Variants in KIRREL3 observed in about 807,000 individuals in gnomAD.
KIRREL3 encodes kirre like nephrin family adhesion molecule 3, also known as kin of IRRE-like protein 3.
A neutral mutation model predicts 89.7 loss-of-function variants in KIRREL3; 36 were observed. The observed-to-expected ratio is 0.40, with a 90% CI of 0.31 to 0.53. KIRREL3 has a LOEUF of 0.53. KIRREL3 is among the 20% of genes least tolerant of loss of function. The probability of loss-of-function intolerance (pLI) is 0.49; values close to 1 mark genes in which losing one functional copy is unlikely to be tolerated. For missense variants in KIRREL3, 864 were observed against 1,056.6 expected, an observed-to-expected ratio of 0.82 and a Z score of 2.53; for synonymous variants, 445 against 441.4, an observed-to-expected ratio of 1.01 and a Z score of -0.10.
Position 126,668,693 on chromosome 11 carries a change from TTTTCTTTCTTTCTTTC to T in KIRREL3, c.56-105797_56-105782del, listed in dbSNP as rs57753203. On this transcript the variant is annotated intron_variant, in intron 1 of 16. Transcript: ENST00000525144. The surrounding 1 kb of genome is among the most constrained non-coding windows in gnomAD (Gnocchi z 4.4). ...TAAAGAGCTGTTGGGAAGTTTCTGT[TTTTCTTTCTTTCTTTC>T]TTTCTTTCTTTCTTTCTTTCTTTCT... Among the ~76,000 whole-genome samples the T allele has an allele frequency of 0.031, 3,896 of 126,690 alleles. 90 individuals carry two copies. Among genetic ancestry groups the T allele is most frequent in the South Asian group, 0.038 (142 of 3,764 alleles). The allele number at this position is 126,690 out of a possible 152,430, so 83.1% of individuals were successfully genotyped here.
intron 1 of KIRREL3, among the ~76,000 whole-genome samples, chr11:126,910,058 T>G (rs186165366): frequency 2.0e-5 from 3 of 152,302 alleles, no homozygotes; most frequent in Admixed American, 1.3e-4. Context: ...CTATCTGAAC[T>G]CAAAGCAACA....
chr11:126,494,678 C>A (rs1342234136), intron 4 of KIRREL3, among the ~76,000 whole-genome samples: 1 of 152,240 alleles, frequency 6.6e-6, no homozygotes, highest in African/African-American at 2.4e-5. Context: ...AGGGAAGCTG[C>A]CTCTCTATCC....
chr11:126,995,507 G>A lies in KIRREL3; in HGVS notation c.55+4948C>T. On this transcript the variant is annotated intron_variant, in intron 1 of 16. Transcript: ENST00000525144. The surrounding 1 kb of genome is among the most constrained non-coding windows in gnomAD (Gnocchi z 6.5). ...ATTTACAAGGATAAGGATTGTAGCTGCAAAATAATGCCTATGCCCCTCTAG... is the reference window on the plus strand; with the variant it reads ...ATTTACAAGGATAAGGATTGTAGCTACAAAATAATGCCTATGCCCCTCTAG... The A allele has an allele frequency of 5.5e-6, 2 of 362,112 alleles. No individual in the cohort carries two copies. Among genetic ancestry groups the A allele is most frequent in the Non-Finnish European group, 1.1e-5 (2 of 184,518 alleles). 22.4% of individuals were successfully genotyped at this position (362,112 alleles called of 1,614,324 possible).
intron 1 of KIRREL3, among the ~76,000 whole-genome samples, chr11:126,567,891 C>A (rs1390606657): frequency 6.6e-6 from 1 of 152,138 alleles, no homozygotes; most frequent in Non-Finnish European, 1.5e-5. Context: ...GCACCAGCCT[C>A]TGCTACCTCA....
chr11:126,913,749 A>C (rs1946920769), intron 1 of KIRREL3, among the ~76,000 whole-genome samples: 1 of 152,226 alleles, frequency 6.6e-6, no homozygotes, highest in African/African-American at 2.4e-5. Flanking sequence ...CCTCCTCTCA[A>C]GTCTGCTTGG....
intron 1 of KIRREL3, among the ~76,000 whole-genome samples, chr11:126,845,381 C>T (rs1944104425): frequency 6.6e-6 from 1 of 152,070 alleles, no homozygotes; most frequent in Non-Finnish European, 1.5e-5. Flanking sequence ...TGGTAAAAAT[C>T]ACTGTTTATC....
intron 9 of KIRREL3, among the ~76,000 whole-genome samples, chr11:126,445,969 A>G (rs970495554): frequency 1.3e-5 from 2 of 152,076 alleles, no homozygotes; most frequent in Admixed American, 1.3e-4. Flanking sequence ...ACCAACATGG[A>G]GAAACCCTGT....
rs901720855 is a variant in KIRREL3, at chr11:126,814,692, C to T, written c.55+185763G>A. ...AACAGAAAACCAAACACTGCATGTT[C>T]TCACTTCTAAGTAGGAGCTGAACAG... On this transcript the variant is annotated intron_variant, in intron 1 of 16. Coordinates refer to ENST00000525144, the MANE Select transcript of KIRREL3 (RefSeq NM_032531.4). This position sits in a 1 kb window ranked among gnomAD's most constrained non-coding sequence, Gnocchi z 4.4. Among the ~76,000 whole-genome samples, 1 of 152,184 alleles carries T rather than the reference C, an allele frequency of 6.6e-6. No individual in the cohort carries two copies. The highest frequency in any genetic ancestry group is 1.9e-4 in the East Asian group (1 of 5,194).
intron 1 of KIRREL3, among the ~76,000 whole-genome samples, chr11:126,944,708 G>A (rs1409795316): frequency 1.3e-5 from 2 of 152,122 alleles, no homozygotes; most frequent in Non-Finnish European, 2.9e-5. Context: ...CTGCAAACCT[G>A]GGGAGAGTGA....
In KIRREL3 at chr11:126,574,691, G is replaced by A. The variant is rs914315256; in HGVS notation, c.56-11779C>T. Reference sequence around the variant, plus strand: ...ATAGTGTGTGCTTACATGTGTGCACGCATTTGGAGAAAGGGAAGGAATTCC... The same window carrying A: ...ATAGTGTGTGCTTACATGTGTGCACACATTTGGAGAAAGGGAAGGAATTCC... On this transcript the variant is annotated intron_variant, in intron 1 of 16. Coordinates refer to ENST00000525144, the MANE Select transcript of KIRREL3 (RefSeq NM_032531.4). This position sits in a 1 kb window ranked among gnomAD's most constrained non-coding sequence, Gnocchi z 5.3. Among the ~76,000 whole-genome samples, 1 of 152,120 alleles carries A rather than the reference G, an allele frequency of 6.6e-6. No homozygotes were observed. The highest frequency in any genetic ancestry group is 6.5e-5 in the Admixed American group (1 of 15,274).
intron 7 of KIRREL3, among the ~76,000 whole-genome samples, chr11:126,450,256 T>C (rs982694969): frequency 6.6e-6 from 1 of 152,112 alleles, no homozygotes; most frequent in Non-Finnish European, 1.5e-5. Context: ...CATGTGTGAG[T>C]GTGCCTGTGT....
At position 126,795,894 on chromosome 11, in the gene KIRREL3, C is replaced by T. The variant is rs1950795906; in HGVS notation, c.55+204561G>A. Among the ~76,000 whole-genome samples the T allele has an allele frequency of 6.6e-6, 1 of 152,108 alleles. No homozygotes were observed. Among genetic ancestry groups the T allele is most frequent in the Admixed American group, 6.5e-5 (1 of 15,272 alleles). ...AGGCCAGCCTCCGTACTGCCAGGCT[C>T]GTCCTCACCCTGGGTAAAGGCTCAT... On this transcript the variant is annotated intron_variant, in intron 1 of 16. Transcript: ENST00000525144. The surrounding 1 kb of genome is among the most constrained non-coding windows in gnomAD (Gnocchi z 4.1).
intron 1 of KIRREL3, among the ~76,000 whole-genome samples, chr11:126,586,402 C>T (rs748069609): frequency 1.2e-4 from 18 of 152,144 alleles, no homozygotes; most frequent in Non-Finnish European, 2.6e-4. Flanking sequence ...CTGAGACCCT[C>T]TCACTGAACG....
At chr11:126,855,820 C>T (rs565695447) in intron 1 of KIRREL3, among the ~76,000 whole-genome samples, 3 of 152,316 alleles carry the variant, frequency 2.0e-5, no homozygotes, top group African/African-American at 7.2e-5. Context: ...TTTTCCCTCC[C>T]ACCACCATCT....
At chr11:126,869,607 C>G (rs1490367821) in intron 1 of KIRREL3, among the ~76,000 whole-genome samples, 2 of 152,146 alleles carry the variant, frequency 1.3e-5, no homozygotes, top group East Asian at 3.8e-4. Flanking sequence ...AGTGTCTAGA[C>G]CCAGCCCTGT....
At chr11:126,461,607 G>C (rs572789447) in intron 6 of KIRREL3, among the ~76,000 whole-genome samples, 2 of 152,248 alleles carry the variant, frequency 1.3e-5, no homozygotes, top group African/African-American at 4.8e-5. Flanking sequence ...TTTGTGTGTG[G>C]GTATCTTGAG....
chr11:126,434,358 G>T (rs1325603551), intron 13 of KIRREL3, among the ~76,000 whole-genome samples: 4 of 152,272 alleles, frequency 2.6e-5, no homozygotes, highest in Non-Finnish European at 5.9e-5. Flanking sequence ...CTCAGCACTA[G>T]CATGGACCCG....
Position 126,551,652 on chromosome 11 carries a change from CT to C in KIRREL3, c.133+11182del, listed in dbSNP as rs35323126. Among the ~76,000 whole-genome samples the C allele has an allele frequency of 0.029, 3,919 of 135,818 alleles. 125 individuals carry two copies. The highest frequency in any genetic ancestry group is 0.09 in the African/African-American group (3,279 of 36,306). 89.1% of individuals were successfully genotyped at this position (135,818 alleles called of 152,430 possible). A position where few individuals can be genotyped will look rare whatever the true frequency, so the allele number is the denominator to read the frequency against. On this transcript the variant is annotated intron_variant, in intron 2 of 16. Transcript: ENST00000525144. This position sits in a 1 kb window ranked among gnomAD's most constrained non-coding sequence, Gnocchi z 4.9. ...GGGTGAGGCCACTCAGGTTTGCAGG[CT>C]TTTTTTTTTTTTTTTGAGACAGAGT...
rs1169724441 is a variant in KIRREL3 at position 126,843,908 on chromosome 11, T to C, written c.55+156547A>G. Among the ~76,000 whole-genome samples, 1 of 152,156 alleles carries C rather than the reference T, an allele frequency of 6.6e-6. No homozygotes were observed. Among genetic ancestry groups the C allele is most frequent in the Non-Finnish European group, 1.5e-5 (1 of 68,022 alleles). Reference sequence around the variant, plus strand: ...CTACCTGGGCTCAAAAGGGGAGGCATGAATAATCCCCTTGTTTAGCATATT... The same window carrying C: ...CTACCTGGGCTCAAAAGGGGAGGCACGAATAATCCCCTTGTTTAGCATATT... On this transcript the variant is annotated intron_variant, in intron 1 of 16. Transcript: ENST00000525144. The surrounding 1 kb of genome is among the most constrained non-coding windows in gnomAD (Gnocchi z 4.6).
Sources: allele counts gnomAD v4.1 joint callset (sites outside exome capture counted in the v4.1 genomes callset), GRCh38; gene constraint gnomAD v4.1.1; non-coding constraint Gnocchi (gnomAD v3.1); transcripts MANE v1.5; gene names NCBI Gene and HGNC (gene_info 2026-07-23, HGNC 2026-07-21).